The following GATAD2A variants were observed in gnomAD, a reference collection of about 807,000 sequenced individuals.
GATAD2A encodes GATA zinc finger domain containing 2A.
A neutral mutation model predicts 68.5 loss-of-function variants in GATAD2A; 12 were observed. The ratio of observed to expected loss-of-function variants is 0.18; its 90% CI spans 0.11 to 0.28. The LOEUF (loss-of-function observed/expected upper bound fraction) is 0.28. Ranked by LOEUF, GATAD2A falls within the 10% of genes least tolerant of loss-of-function variation. GATAD2A has a pLI of 1.00. For missense variants in GATAD2A, 755 were observed against 868.5 expected (o/e 0.87, Z 1.64); for synonymous variants, 410 against 375.3 (o/e 1.09, Z -1.07).
intron 1 of GATAD2A, among the ~76,000 whole-genome samples, chr19:19,457,456 C>G (rs547008495): frequency 6.6e-6 from 1 of 152,126 alleles, no homozygotes; most frequent in Non-Finnish European, 1.5e-5. Context: ...ACATGATTAA[C>G]AAGGCCAGGC....
At chr19:19,386,975 T>G (rs1473535751) in intron 1 of GATAD2A, among the ~76,000 whole-genome samples, 1 of 151,990 alleles carries the variant, frequency 6.6e-6, no homozygotes, top group Non-Finnish European at 1.5e-5. Flanking sequence ...GACCCCCGCC[T>G]CTGAGGGGAG....
chr19:19,430,976 G>GGTGTGTGTGTGT lies in GATAD2A; in HGVS notation c.-7+24988_-7+24999dup, dbSNP rs71170687. ...GTGTTTGGGTGGGTTGTATGGTAGG[G>GGTGTGTGTGTGT]GTGTGTGTGTGTGTGTGTGTGTGTG... On this transcript the variant is annotated intron_variant, in intron 1 of 11. Coordinates refer to ENST00000683918, the MANE Select transcript of GATAD2A (RefSeq NM_001384528.1). Among the ~76,000 whole-genome samples the GGTGTGTGTGTGT allele has an allele frequency of 7.7e-3, 1,051 of 136,746 alleles. 14 individuals are homozygous for GGTGTGTGTGTGT. The highest frequency in any genetic ancestry group is 0.022 in the African/African-American group (793 of 35,656). The allele number at this position is 136,746 out of a possible 152,430, so 89.7% of individuals were successfully genotyped here. A position where few individuals can be genotyped will look rare whatever the true frequency, so the allele number is the denominator to read the frequency against.
intron 1 of GATAD2A, among the ~76,000 whole-genome samples, chr19:19,460,909 T>G (rs1040025127): frequency 2.6e-5 from 4 of 152,220 alleles, no homozygotes; most frequent in African/African-American, 9.6e-5. Context: ...CCTTCAGGGC[T>G]GGCTTCCGGT....
intron 1 of GATAD2A, chr19:19,440,155 A>G: frequency 2.4e-6 from 1 of 418,122 alleles, no homozygotes; most frequent in Non-Finnish European, 4.8e-6. Context: ...AGTTGAAATG[A>G]CAAGCAGAAA....
At chr19:19,394,440 T>G (rs2049070606) in intron 1 of GATAD2A, among the ~76,000 whole-genome samples, 1 of 151,550 alleles carries the variant, frequency 6.6e-6, no homozygotes, top group Admixed American at 6.6e-5. Context: ...TGCCCGGGCT[T>G]TCCTCTTTTT....
chr19:19,421,926 G>A (rs919180657), intron 1 of GATAD2A, among the ~76,000 whole-genome samples: 7 of 151,854 alleles, frequency 4.6e-5, no homozygotes, highest in African/African-American at 1.7e-4. Context: ...GGTTCAAGCA[G>A]TTCTCCTGCC....
intron 1 of GATAD2A, among the ~76,000 whole-genome samples, chr19:19,415,477 TCTCA>T (rs1416429064): frequency 1.4e-5 from 2 of 143,912 alleles, no homozygotes; most frequent in Non-Finnish European, 3.1e-5. Context: ...GGAGATGGAG[TCTCA>T]CTCTGTTGCC....
chr19:19,497,092 T>C lies in GATAD2A; in HGVS notation c.924+873T>C, dbSNP rs149366800. 9.7e-3 allele frequency among the ~76,000 whole-genome samples: 1,480 copies of C among 152,164 alleles called. 29 individuals are homozygous for C. Among genetic ancestry groups the C allele is most frequent in the African/African-American group, 0.033 (1,381 of 41,508 alleles). ...GCCCAGGCTGGATGGAGTACAGTGG[T>C]GTGATCAAATATCTTTATTTTATTA... is the stretch of plus-strand genomic sequence containing the variant. On this transcript the variant is annotated intron_variant, in intron 7 of 11. Coordinates refer to ENST00000683918, the MANE Select transcript of GATAD2A (RefSeq NM_001384528.1).
chr19:19,504,932 C>T (rs2060787039), intron 11 of GATAD2A, among the ~76,000 whole-genome samples: 1 of 152,168 alleles, frequency 6.6e-6, no homozygotes, highest in Admixed American at 6.5e-5. Context: ...GGCTGAGCCT[C>T]CGTGCCCAGC....
At chr19:19,387,988 C>T (rs1212651948) in intron 1 of GATAD2A, among the ~76,000 whole-genome samples, 2 of 151,970 alleles carry the variant, frequency 1.3e-5, no homozygotes, top group Non-Finnish European at 2.9e-5. Flanking sequence ...TTTCTAGAGG[C>T]TTTCCTCTTG....
chr19:19,483,269 C>T (rs1215784746), intron 2 of GATAD2A, among the ~76,000 whole-genome samples: 1 of 152,196 alleles, frequency 6.6e-6, no homozygotes, highest in Non-Finnish European at 1.5e-5. Flanking sequence ...AGCACTGTGG[C>T]AGTGCTCACC....
At position 19,508,411 on chromosome 19, in the gene GATAD2A, G is replaced by A. The variant is rs2060957187; in HGVS notation, c.*2937G>A. Reference sequence around the variant, plus strand: ...ACAGCCCACAGTGCTAGTTGTGCCTGGTCTTACCTGTACTCCACGGACCTC... The same window carrying A: ...ACAGCCCACAGTGCTAGTTGTGCCTAGTCTTACCTGTACTCCACGGACCTC... On this transcript the variant is annotated 3_prime_UTR_variant, in exon 12 of 12. Transcript: ENST00000683918. The A allele has an allele frequency of 6.6e-6, 1 of 152,242 alleles. No individual in the cohort carries two copies. Among genetic ancestry groups the A allele is most frequent in the African/African-American group, 2.4e-5 (1 of 41,452 alleles). The allele number at this position is 152,242 out of a possible 1,614,324, so 9.4% of individuals were successfully genotyped here.
chr19:19,460,946 C>G (rs2147957010), intron 1 of GATAD2A, among the ~76,000 whole-genome samples: 1 of 152,322 alleles, frequency 6.6e-6, no homozygotes, highest in Admixed American at 6.5e-5. Flanking sequence ...AGCCCCCGTC[C>G]CTCTGTGTGC....
intron 2 of GATAD2A, among the ~76,000 whole-genome samples, chr19:19,469,836 A>G (rs1017691081): frequency 2.0e-5 from 3 of 152,126 alleles, no homozygotes; most frequent in African/African-American, 7.2e-5. Flanking sequence ...AGTCCCAGCT[A>G]CTTGGGAGGC....
chr19:19,478,838 T>G (rs1332124105), intron 2 of GATAD2A, among the ~76,000 whole-genome samples: 1 of 151,826 alleles, frequency 6.6e-6, no homozygotes, highest in Non-Finnish European at 1.5e-5. Flanking sequence ...AAAAAACCTA[T>G]TATTAATTCA....
At chr19:19,457,185 A>G (rs2057011739) in intron 1 of GATAD2A, 1 of 985,302 alleles carries the variant, frequency 1.0e-6, no homozygotes, top group African/African-American at 1.7e-5. Context: ...CACTTCAGGG[A>G]CATGGACAAG....
intron 8 of GATAD2A, among the ~76,000 whole-genome samples, chr19:19,499,848 A>G (rs3794992): frequency 0.016 from 2,474 of 152,240 alleles, 81 homozygotes; most frequent in South Asian, 0.085. Context: ...CCCCAAGGGC[A>G]TGGCCTCCAG....
intron 2 of GATAD2A, chr19:19,473,968 T>C (rs944954215): frequency 4.7e-6 from 4 of 852,198 alleles, no homozygotes; most frequent in Non-Finnish European, 4.2e-6. Flanking sequence ...ACAACACATA[T>C]TAACACCCAA....
chr19:19,477,220 G>GGGAC (rs2058731399), intron 2 of GATAD2A, among the ~76,000 whole-genome samples: 1 of 152,166 alleles, frequency 6.6e-6, no homozygotes, highest in South Asian at 2.1e-4. Context: ...GACAAGGGAG[G>GGGAC]GGACGTCTGA....
Sources: allele counts gnomAD v4.1 joint callset (sites outside exome capture counted in the v4.1 genomes callset), GRCh38; gene constraint gnomAD v4.1.1; transcripts MANE v1.5; gene names NCBI Gene and HGNC (gene_info 2026-07-23, HGNC 2026-07-21).